The following CHST11 variants were observed in gnomAD, a reference collection of about 807,000 sequenced individuals.
CHST11 encodes the protein carbohydrate sulfotransferase 11, also known as C4S-1.
CHST11 carries 9 observed loss-of-function variants against 30.4 expected under a neutral mutation model. The ratio of observed to expected loss-of-function variants is 0.30; its 90% CI spans 0.18 to 0.52. The LOEUF is 0.52. CHST11 is among the 20% of genes least tolerant of loss of function. The pLI, the probability that CHST11 is intolerant of heterozygous loss-of-function variation, is 0.97. For synonymous variants in CHST11, 152 were observed against 187.8 expected (o/e 0.81, Z 1.56); for missense variants, 348 against 460.6 (o/e 0.76, Z 2.24).
At chr12:104,576,422 G>T (rs1364706656) in intron 1 of CHST11, among the ~76,000 whole-genome samples, 1 of 152,176 alleles carries the variant, frequency 6.6e-6, no homozygotes, top group Non-Finnish European at 1.5e-5. Flanking sequence ...GGAGGGCTGG[G>T]CCTGGAATCT....
chr12:104,457,587 T>C (rs2037365332), intron 1 of CHST11, 58 bp downstream of exon 1: 1 of 1,234,118 alleles, frequency 8.1e-7, no homozygotes, highest in South Asian at 1.2e-5. Flanking sequence ...GCGCTCTAGC[T>C]CGCTCCGCCT....
chr12:104,737,587 A>C (rs1024649150), intron 2 of CHST11, among the ~76,000 whole-genome samples: 1 of 152,138 alleles, frequency 6.6e-6, no homozygotes, highest in Non-Finnish European at 1.5e-5. Flanking sequence ...GTTGATCTAG[A>C]GCCTTCTAGA....
At chr12:104,577,234 ATTTTTTT>A (rs34967812) in intron 1 of CHST11, among the ~76,000 whole-genome samples, 9 of 74,218 alleles carry the variant, frequency 1.2e-4, no homozygotes, top group Admixed American at 1.7e-4. Context: ...GCAGCCCTTC[ATTTTTTT>A]TTTTTTTTTT....
chr12:104,521,634 A>G (rs1489332521), intron 1 of CHST11, among the ~76,000 whole-genome samples: 1 of 152,182 alleles, frequency 6.6e-6, no homozygotes, highest in African/African-American at 2.4e-5. Flanking sequence ...CATCCTGGGA[A>G]GAAATGGTAT....
At chr12:104,680,825 C>T (rs372417965) in intron 2 of CHST11, among the ~76,000 whole-genome samples, 2 of 152,188 alleles carry the variant, frequency 1.3e-5, no homozygotes, top group East Asian at 1.9e-4. Flanking sequence ...TTGAGTGCCC[C>T]GCCCCCCTGT....
chr12:104,635,962 A>G (rs1258309691), intron 2 of CHST11, among the ~76,000 whole-genome samples: 1 of 152,226 alleles, frequency 6.6e-6, no homozygotes, highest in Non-Finnish European at 1.5e-5. Flanking sequence ...TTCATTCCGG[A>G]CAGGATGGGC....
At chr12:104,643,316 A>G (rs368625484) in intron 2 of CHST11, among the ~76,000 whole-genome samples, 1 of 152,350 alleles carries the variant, frequency 6.6e-6, no homozygotes, top group African/African-American at 2.4e-5. Context: ...CAATAGAACA[A>G]GACCCTATCT....
chr12:104,703,315 T>C (rs1293978847), intron 2 of CHST11, among the ~76,000 whole-genome samples: 1 of 152,198 alleles, frequency 6.6e-6, no homozygotes, highest in Non-Finnish European at 1.5e-5. Context: ...TTATTTGGCG[T>C]TGCAAATTTG....
rs2040492154 is a variant in CHST11 at position 104,757,768 on chromosome 12, A to C, written c.1024A>C (p.Asn342His). The C allele has an allele frequency of 1.2e-6, 2 of 1,614,126 alleles. No homozygotes were observed. Among genetic ancestry groups the C allele is most frequent in the Non-Finnish European group, 1.7e-6 (2 of 1,179,970 alleles). Residue 342 changes from asparagine (N) to histidine (H), a missense_variant, in exon 3 of 3, where the codon AAT (asparagine) becomes CAT (histidine). This residue lies in a region of CHST11 where 210 missense variants were observed against 287.2 expected (regional missense o/e 0.73). Transcript: ENST00000303694. The surrounding 1 kb of genome is among the most constrained non-coding windows in gnomAD (Gnocchi z 6.5). ...CTACAAACTCGATTTTTTAATGTTC[A>C]ATTACTCAGTGCCAAGCTACCTGAA... The part of the protein sequence containing the change: ...EVYKLDFLMF[N>H]YSVPSYLKLE
At position 104,744,702 on chromosome 12, in the gene CHST11, G is replaced by A. The variant is rs181993496; in HGVS notation, c.205-12247G>A. Among the ~76,000 whole-genome samples the A allele has an allele frequency of 5.5e-3, 832 of 152,166 alleles. 7 individuals carry two copies. The highest frequency in any genetic ancestry group is 0.019 in the African/African-American group (792 of 41,526). ...CCGTGTGTATGTCCTGAGTGGGATC[G>A]CCTAGGTTGTCTTCTAGGGTTTTTA... On this transcript the variant is annotated intron_variant, in intron 2 of 2. Coordinates refer to ENST00000303694, the MANE Select transcript of CHST11 (RefSeq NM_018413.6).
At chr12:104,613,786 G>C (rs1202170453) in intron 2 of CHST11, among the ~76,000 whole-genome samples, 1 of 152,164 alleles carries the variant, frequency 6.6e-6, no homozygotes, top group East Asian at 1.9e-4. Context: ...AGTATGCTAA[G>C]TGAAATAAGC....
At chr12:104,714,600 C>A (rs1320220423) in intron 2 of CHST11, among the ~76,000 whole-genome samples, 1 of 152,096 alleles carries the variant, frequency 6.6e-6, no homozygotes, top group Non-Finnish European at 1.5e-5. Flanking sequence ...ATGACAAGGA[C>A]AATAATGAGC....
intron 2 of CHST11, among the ~76,000 whole-genome samples, chr12:104,698,056 G>A (rs775919798): frequency 5.1e-4 from 77 of 152,096 alleles, no homozygotes; most frequent in Middle Eastern, 3.2e-3. Context: ...GTCTCCTGGC[G>A]TCAATGTCCC....
intron 1 of CHST11, among the ~76,000 whole-genome samples, chr12:104,577,890 A>G (rs2038700998): frequency 6.6e-6 from 1 of 152,194 alleles, no homozygotes; most frequent in Admixed American, 6.5e-5. Context: ...CAATCTTGTT[A>G]TACATTTCAC....
At chr12:104,669,856 T>C (rs2039674114) in intron 2 of CHST11, among the ~76,000 whole-genome samples, 1 of 152,240 alleles carries the variant, frequency 6.6e-6, no homozygotes, top group Non-Finnish European at 1.5e-5. Context: ...TGAGCCTGGC[T>C]TTTCCGTTTT....
chr12:104,489,228 G>A (rs1283740808), intron 1 of CHST11, among the ~76,000 whole-genome samples: 2 of 151,874 alleles, frequency 1.3e-5, no homozygotes, highest in Non-Finnish European at 2.9e-5. Flanking sequence ...GTAGAGATGG[G>A]GTTTCACCAT....
At chr12:104,557,178 A>T (rs2038465623) in intron 1 of CHST11, among the ~76,000 whole-genome samples, 1 of 152,116 alleles carries the variant, frequency 6.6e-6, no homozygotes, top group South Asian at 2.1e-4. Context: ...GACAAAATTC[A>T]ACCCACAACA....
intron 1 of CHST11, among the ~76,000 whole-genome samples, chr12:104,459,706 G>A (rs1443459957): frequency 6.6e-6 from 1 of 152,192 alleles, no homozygotes; most frequent in Non-Finnish European, 1.5e-5. Flanking sequence ...TTTTGGAAGA[G>A]GCAGAGAACC....
intron 2 of CHST11, among the ~76,000 whole-genome samples, chr12:104,642,285 A>G (rs1219157826): frequency 1.3e-5 from 2 of 152,244 alleles, no homozygotes; most frequent in Non-Finnish European, 2.9e-5. Flanking sequence ...ATATGAAAAA[A>G]AATGCTCATG....
Sources: allele counts gnomAD v4.1 joint callset (sites outside exome capture counted in the v4.1 genomes callset), GRCh38; gene constraint gnomAD v4.1.1; regional missense constraint gnomAD v4.1.1; non-coding constraint Gnocchi (gnomAD v3.1); transcripts MANE v1.5; gene names NCBI Gene and HGNC (gene_info 2026-07-23, HGNC 2026-07-21).